Variants in TASP1 observed in about 807,000 individuals in gnomAD.
TASP1 encodes taspase 1, also known as threonine aspartase 1.
In TASP1, 16 loss-of-function variants were observed where a neutral mutation model predicts 56.6. The observed-to-expected ratio is 0.28, with a 90% confidence interval of 0.19 to 0.43. The LOEUF is 0.43. TASP1 is among the 20% of genes least tolerant of loss of function. TASP1 has a pLI of 1.00. For synonymous variants in TASP1, 179 were observed against 184.2 expected (o/e 0.97, Z 0.23); for missense variants, 393 against 511.6 (o/e 0.77, Z 2.24).
intron 4 of TASP1, among the ~76,000 whole-genome samples, chr20:13,605,995 C>A (rs756806197): frequency 2.0e-4 from 31 of 152,248 alleles, no homozygotes; most frequent in Non-Finnish European, 2.6e-4. Flanking sequence ...GCCCACACTG[C>A]GATTCTGAGC....
chr20:13,572,850 C>A (rs1192267579), intron 6 of TASP1, among the ~76,000 whole-genome samples: 2 of 152,044 alleles, frequency 1.3e-5, no homozygotes, highest in East Asian at 3.8e-4. Flanking sequence ...TGCGAACCTC[C>A]CATTTTCAAA....
At chr20:13,393,806 C>T in intron 13 of TASP1, 1 of 564,546 alleles carries the variant, frequency 1.8e-6, no homozygotes, top group Non-Finnish European at 3.2e-6. Context: ...CATGCAGACA[C>T]CCTGAAGAGG....
chr20:13,422,403 C>T (rs916947251), intron 12 of TASP1, among the ~76,000 whole-genome samples: 2 of 152,060 alleles, frequency 1.3e-5, no homozygotes, highest in Non-Finnish European at 2.9e-5. Flanking sequence ...CATGAATCTA[C>T]TAATTTAGCT....
At chr20:13,544,854 G>C (rs2146967970) in intron 8 of TASP1, among the ~76,000 whole-genome samples, 1 of 152,308 alleles carries the variant, frequency 6.6e-6, no homozygotes, top group South Asian at 2.1e-4. Flanking sequence ...TAGCAGTGGG[G>C]AGTAACAGAT....
chr20:13,273,770 T>A, the TASP1 span, among the ~76,000 whole-genome samples: 7 of 152,038 alleles, frequency 4.6e-5, no homozygotes, highest in Non-Finnish European at 1.0e-4. Context: ...TCAAAAAGAG[T>A]AAGCCAACAA....
the TASP1 span, among the ~76,000 whole-genome samples, chr20:13,201,063 C>A: frequency 6.6e-6 from 1 of 152,134 alleles, no homozygotes; most frequent in African/African-American, 2.4e-5. Flanking sequence ...CAATGCCAGT[C>A]ACAGGCACAG....
At chr20:13,305,186 A>G in the TASP1 span, among the ~76,000 whole-genome samples, 1 of 137,738 alleles carries the variant, frequency 7.3e-6, no homozygotes, top group Non-Finnish European at 1.5e-5. Flanking sequence ...AGATTTTAAT[A>G]CCGTTGAGTT....
the TASP1 span, among the ~76,000 whole-genome samples, chr20:13,247,517 G>GGTGT: frequency 0.012 from 1,736 of 139,856 alleles, 16 homozygotes; most frequent in East Asian, 0.024. Flanking sequence ...CAAAGTGAGG[G>GGTGT]GTGTGTGTGT....
chr20:13,502,440 G>A (rs1313401353), intron 10 of TASP1, among the ~76,000 whole-genome samples: 2 of 152,076 alleles, frequency 1.3e-5, no homozygotes, highest in African/African-American at 2.4e-5. Flanking sequence ...AGTATACTTA[G>A]TAAAAGAAGT....
chr20:13,276,570 TG>T, the TASP1 span, among the ~76,000 whole-genome samples: 3 of 152,284 alleles, frequency 2.0e-5, no homozygotes, highest in African/African-American at 7.2e-5. Flanking sequence ...CATCATGACT[TG>T]AGTGTGAAAA....
chr20:13,441,496 T>C (rs1003192393), intron 11 of TASP1, among the ~76,000 whole-genome samples: 2 of 152,098 alleles, frequency 1.3e-5, no homozygotes, highest in African/African-American at 4.8e-5. Context: ...CCTCTTTTGG[T>C]AAGGAGCTAA....
the TASP1 span, chr20:13,279,879 C>A: frequency 1.9e-6 from 3 of 1,613,842 alleles, no homozygotes; most frequent in Admixed American, 1.7e-5. Flanking sequence ...CTTTTGAAAC[C>A]AAAGATCAGC....
chr20:13,559,522 G>A (rs1442550560), intron 7 of TASP1, among the ~76,000 whole-genome samples: 1 of 152,040 alleles, frequency 6.6e-6, no homozygotes, highest in Non-Finnish European at 1.5e-5. Flanking sequence ...CCCAGTGAAT[G>A]GGCAAATGAG....
chr20:13,216,257 C>A, the TASP1 span, among the ~76,000 whole-genome samples: 1 of 152,136 alleles, frequency 6.6e-6, no homozygotes, highest in African/African-American at 2.4e-5. Flanking sequence ...TGAGAGTAGA[C>A]ATTCTTAGCC....
chr20:13,410,517 T>C lies in TASP1; in HGVS notation c.1170+6931A>G, dbSNP rs78877356. Among the ~76,000 whole-genome samples, 1,196 of 152,278 alleles carry C rather than the reference T, an allele frequency of 7.9e-3. 11 individuals are homozygous for C. The highest frequency in any genetic ancestry group is 0.025 in the African/African-American group (1,045 of 41,574). ...TATATTTTGTCTTTTTAATAACTGC[T>C]ATTCCAAGTGGGGTAAGATAATATC... On this transcript the variant is annotated intron_variant, in intron 13 of 13. Coordinates refer to ENST00000337743, the MANE Select transcript of TASP1 (RefSeq NM_017714.3).
At chr20:13,377,106 C>G in the TASP1 span, among the ~76,000 whole-genome samples, 49 of 152,240 alleles carry the variant, frequency 3.2e-4, no homozygotes, top group African/African-American at 1.1e-3. Context: ...AACTTCCAAC[C>G]CTGTGTTGAA....
chr20:13,154,798 T>G, the TASP1 span, among the ~76,000 whole-genome samples: 1 of 152,330 alleles, frequency 6.6e-6, no homozygotes, highest in African/African-American at 2.4e-5. Flanking sequence ...ACATGACTTT[T>G]TGTCAGTTTG....
chr20:13,600,770 CAT>C (rs1276332860), intron 4 of TASP1, among the ~76,000 whole-genome samples: 1 of 152,094 alleles, frequency 6.6e-6, no homozygotes, highest in African/African-American at 2.4e-5. Context: ...TATACATATA[CAT>C]ATGTGTATGT....
At chr20:13,254,166 G>A in the TASP1 span, among the ~76,000 whole-genome samples, 2 of 151,842 alleles carry the variant, frequency 1.3e-5, no homozygotes, top group African/African-American at 4.8e-5. Flanking sequence ...CCAGGAGGGG[G>A]AGGTTGCAGT....
Sources: allele counts gnomAD v4.1 joint callset (sites outside exome capture counted in the v4.1 genomes callset), GRCh38; gene constraint gnomAD v4.1.1; transcripts MANE v1.5; gene names NCBI Gene and HGNC (gene_info 2026-07-23, HGNC 2026-07-21).